Variants in BTBD9 observed in about 807,000 individuals in gnomAD.
BTBD9 encodes BTB domain containing 9.
Under a neutral mutation model 64.3 loss-of-function variants are expected in BTBD9, and 49 were observed. That is an observed-to-expected ratio of 0.76 (90% confidence interval 0.61 to 0.97). The LOEUF (loss-of-function observed/expected upper bound fraction) is 0.97. Among genes scored for constraint, BTBD9 ranks in the 50% least tolerant of loss-of-function variants. BTBD9 has a pLI of 0.00. For missense variants in BTBD9, 598 were observed against 762.1 expected (o/e 0.78, Z 2.53); for synonymous variants, 260 against 274.7 (o/e 0.95, Z 0.53).
chr6:38,479,732 T>C (rs563585579), intron 6 of BTBD9, among the ~76,000 whole-genome samples: 1 of 152,314 alleles, frequency 6.6e-6, no homozygotes, highest in African/African-American at 2.4e-5. Flanking sequence ...TTTTTATTTT[T>C]ATTTTTATTT....
At chr6:38,192,358 A>G (rs2127485328) in intron 10 of BTBD9, among the ~76,000 whole-genome samples, 161 bp downstream of exon 10, 1 of 152,322 alleles carries the variant, frequency 6.6e-6, no homozygotes, top group Middle Eastern at 3.4e-3. Flanking sequence ...AAAAATGATA[A>G]TGATAACCCC....
intron 6 of BTBD9, among the ~76,000 whole-genome samples, chr6:38,569,523 T>C (rs1348181274): frequency 6.6e-6 from 1 of 152,184 alleles, no homozygotes; most frequent in Non-Finnish European, 1.5e-5. Flanking sequence ...TGGCTATTTG[T>C]GGTAATAACA....
intron 1 of BTBD9, among the ~76,000 whole-genome samples, chr6:38,614,898 A>C (rs533652762): frequency 2.0e-3 from 307 of 152,300 alleles, no homozygotes; most frequent in Middle Eastern, 6.8e-3. Flanking sequence ...CTTGAGTATA[A>C]ACCATTTCCC....
At chr6:38,580,789 CA>C (rs1289677165) in intron 4 of BTBD9, among the ~76,000 whole-genome samples, 5 of 152,130 alleles carry the variant, frequency 3.3e-5, no homozygotes, top group South Asian at 2.1e-4. Flanking sequence ...ATCACAACCA[CA>C]AAGTGCTTGA....
intron 9 of BTBD9, among the ~76,000 whole-genome samples, chr6:38,239,611 C>T (rs12055699): frequency 0.1 from 15,582 of 151,986 alleles, 1,195 homozygotes; most frequent in East Asian, 0.45. Flanking sequence ...TGTATATAGT[C>T]ATTTTATTAT....
At chr6:38,610,355 G>A (rs535633095) in intron 1 of BTBD9, among the ~76,000 whole-genome samples, 2 of 152,246 alleles carry the variant, frequency 1.3e-5, no homozygotes, top group East Asian at 3.9e-4. Context: ...TACGCGCTGT[G>A]GATAAAGTGA....
At chr6:38,594,819 T>C (rs1776968067) in intron 2 of BTBD9, among the ~76,000 whole-genome samples, 1 of 152,228 alleles carries the variant, frequency 6.6e-6, no homozygotes, top group South Asian at 2.1e-4. Context: ...TTTGAGAGTA[T>C]AAATGGCAGC....
intron 9 of BTBD9, among the ~76,000 whole-genome samples, chr6:38,213,798 G>A (rs1418264554): frequency 1.3e-5 from 2 of 152,018 alleles, no homozygotes; most frequent in Non-Finnish European, 2.9e-5. Context: ...TGGCTAACAT[G>A]GTGAAACCCC....
intron 6 of BTBD9, among the ~76,000 whole-genome samples, chr6:38,573,702 C>T (rs764500368): frequency 6.6e-6 from 1 of 152,172 alleles, no homozygotes; most frequent in Non-Finnish European, 1.5e-5. Flanking sequence ...CTACTTCTAT[C>T]CATTTTCGCT....
chr6:38,620,743 C>T (rs1374428402), intron 1 of BTBD9, among the ~76,000 whole-genome samples: 1 of 152,184 alleles, frequency 6.6e-6, no homozygotes, highest in Non-Finnish European at 1.5e-5. Flanking sequence ...CTTGTCCTCG[C>T]CCTAAGACAT....
chr6:38,295,604 T>G (rs1043600178), intron 7 of BTBD9, among the ~76,000 whole-genome samples: 6 of 152,254 alleles, frequency 3.9e-5, no homozygotes, highest in African/African-American at 1.2e-4. Flanking sequence ...TTTAGTATGC[T>G]GTGAGATGAG....
At chr6:38,198,733 A>G (rs1762354088) in intron 9 of BTBD9, among the ~76,000 whole-genome samples, 1 of 152,262 alleles carries the variant, frequency 6.6e-6, no homozygotes, top group South Asian at 2.1e-4. Context: ...AACTCAACAC[A>G]TGGCACAGAA....
At chr6:38,544,222 A>C (rs960918972) in intron 6 of BTBD9, among the ~76,000 whole-genome samples, 10 of 152,214 alleles carry the variant, frequency 6.6e-5, no homozygotes, top group African/African-American at 2.4e-4. Flanking sequence ...GATGACTTTA[A>C]GTATACAGGA....
At chr6:38,556,657 C>G (rs530029554) in intron 6 of BTBD9, among the ~76,000 whole-genome samples, 5 of 151,246 alleles carry the variant, frequency 3.3e-5, no homozygotes, top group South Asian at 4.2e-4. Flanking sequence ...TTTGAAGCCT[C>G]ACACACAAAA....
chr6:38,484,416 G>C (rs1771305575), intron 6 of BTBD9, among the ~76,000 whole-genome samples: 2 of 152,214 alleles, frequency 1.3e-5, no homozygotes, highest in African/African-American at 4.8e-5. Flanking sequence ...ACTACTATTT[G>C]AGATTATAAT....
intron 6 of BTBD9, among the ~76,000 whole-genome samples, chr6:38,349,287 G>T (rs1031396589): frequency 6.6e-6 from 1 of 151,974 alleles, no homozygotes; most frequent in Admixed American, 6.6e-5. Context: ...TGAAAATATC[G>T]AATGCAGTGC....
At chr6:38,292,778 T>C (rs1488962230) in intron 7 of BTBD9, among the ~76,000 whole-genome samples, 1 of 152,204 alleles carries the variant, frequency 6.6e-6, no homozygotes, top group East Asian at 1.9e-4. Context: ...AGCTCCTGGA[T>C]GCATTGATTT....
rs185316984 is a variant in BTBD9 at position 38,430,919 on chromosome 6, G to A, written c.1155-85826C>T. ...CTGTCCTGGTCTTACTCTTCTCAGC[G>A]TCATTTGATGTGGTTGACTTCTGTC... is the stretch of plus-strand genomic sequence containing the variant. On this transcript the variant is annotated intron_variant, in intron 6 of 10. Coordinates refer to ENST00000481247, the MANE Select transcript of BTBD9 (RefSeq NM_001099272.2). Among the ~76,000 whole-genome samples, 417 of 152,058 alleles carry A rather than the reference G, an allele frequency of 2.7e-3. 3 individuals are homozygous for A. The highest frequency in any genetic ancestry group is 5.3e-3 in the Non-Finnish European group (361 of 68,028).
At chr6:38,426,195 C>T (rs1427158754) in intron 6 of BTBD9, among the ~76,000 whole-genome samples, 17 of 151,894 alleles carry the variant, frequency 1.1e-4, no homozygotes, top group Admixed American at 1.1e-3. Flanking sequence ...CTAAGAATCC[C>T]TAAGCCTAGC....
Sources: gnomAD v4.1 joint callset for allele counts (sites outside exome capture counted in the v4.1 genomes callset) on GRCh38, gnomAD v4.1.1 for gene constraint, MANE v1.5 for transcripts, NCBI Gene and HGNC (gene_info 2026-07-23, HGNC 2026-07-21) for gene names.